The following VWDE variants were observed in gnomAD, a reference collection of about 807,000 sequenced individuals.
The protein encoded by VWDE is von Willebrand factor D and EGF domains, also known as von Willebrand factor D and EGF domain-containing protein.
VWDE carries 207 observed loss-of-function variants against 178.4 expected under a neutral mutation model. The observed-to-expected ratio is 1.16, with a 90% CI of 1.04 to 1.30. The LOEUF is 1.30. Among genes scored for constraint, VWDE ranks in the 50% most tolerant of loss-of-function variants. VWDE has a pLI of 0.00. For synonymous variants in VWDE, 738 were observed against 651.4 expected (o/e 1.13, Z -2.02); for missense variants, 2,287 against 1,901.3 (o/e 1.20, Z -3.77).
chr7:12,354,099 A>G (rs950735558), intron 18 of VWDE: 3 of 174,304 alleles, frequency 1.7e-5, no homozygotes, highest in African/African-American at 7.2e-5. Flanking sequence ...CCCTTTTGTG[A>G]TTTCTATCAA....
chr7:12,380,252 TTAA>T (rs1279653493), intron 5 of VWDE, among the ~76,000 whole-genome samples: 6 of 151,160 alleles, frequency 4.0e-5, no homozygotes, highest in African/African-American at 1.2e-4. Context: ...TAAAAAAGGA[TTAA>T]TAATAATCAG....
Position 12,337,100 on chromosome 7 carries a change from G to A in VWDE, c.4463-17C>T, listed in dbSNP as rs1039719188. The A allele has an allele frequency of 6.4e-6, 10 of 1,551,324 alleles. No homozygotes were observed. In the African/African-American group the frequency reaches 1.2e-4, roughly 19 times the overall value. The stretch of plus-strand genomic sequence containing the variant: ...CACAGATGCCTTAAGGTAAAAGCAT[G>A]AAAAGTCAGCCCTTAAATTCAACAG... On this transcript the variant is annotated splice_polypyrimidine_tract_variant and intron_variant, in intron 25 of 28. Transcript: ENST00000275358.
chr7:12,394,260 CA>C (rs1341000240), intron 1 of VWDE, among the ~76,000 whole-genome samples: 3 of 152,104 alleles, frequency 2.0e-5, no homozygotes, highest in Non-Finnish European at 4.4e-5. Flanking sequence ...GCTAACTCAA[CA>C]GGTGTAAAGT....
At chr7:12,390,996 G>A (rs966733301) in intron 2 of VWDE, among the ~76,000 whole-genome samples, 1 of 151,922 alleles carries the variant, frequency 6.6e-6, no homozygotes, top group Non-Finnish European at 1.5e-5. Context: ...ATATGGTGAT[G>A]GTTTAAATAA....
intron 1 of VWDE, among the ~76,000 whole-genome samples, chr7:12,401,065 T>C (rs1784871006): frequency 1.3e-5 from 2 of 152,194 alleles, no homozygotes; most frequent in South Asian, 4.1e-4. Context: ...TTTCCTCAAC[T>C]TGATAAAGGA....
rs562841579 is a variant in VWDE, at chr7:12,336,975, G to T, written c.4558+13C>A. 1.4e-5 allele frequency: 22 copies of T among 1,545,082 alleles called. No homozygotes were observed. Among genetic ancestry groups the T allele is most frequent in the Non-Finnish European group, 1.9e-5 (22 of 1,143,444 alleles). On this transcript the variant is annotated intron_variant, in intron 26 of 28. Transcript: ENST00000275358. Reference sequence around the variant, plus strand: ...GGACGAAAGCTTCAGTGTTTTAAGAGTATTCCTCTTACGTGTGTTGCATCG... The same window carrying T: ...GGACGAAAGCTTCAGTGTTTTAAGATTATTCCTCTTACGTGTGTTGCATCG...
Position 12,370,023 on chromosome 7 carries a change from CA to C in VWDE, c.2282del (p.Leu761CysfsTer47), listed in dbSNP as rs1437695055. 1.3e-6 allele frequency: 2 copies of C among 1,551,368 alleles called. No individual in the cohort carries two copies. Among genetic ancestry groups the C allele is most frequent in the African/African-American group, 2.7e-5 (2 of 72,982 alleles). Reference protein sequence around the residue: ...KRQNFHEFPPLFAFPSLSQTD... With the variant: ...KRQNFHEFPPXFAFPSLSQTD... ...TTTGGCTGAGACTCGGGAAAGCAAA[CA>C]AAGGAGGAAACTCATGAAAGTTCTG... On this transcript the variant is annotated frameshift_variant, in exon 12 of 29. Transcript: ENST00000275358. LOFTEE classifies it high-confidence loss of function.
At chr7:12,370,603 C>G in intron 11 of VWDE, 53 bp downstream of exon 11, 2 of 1,536,062 alleles carry the variant, frequency 1.3e-6, no homozygotes, top group East Asian at 4.9e-5. Flanking sequence ...TGAGCCACCA[C>G]CCGTTTTAAG....
rs527276637 is a variant in VWDE at position 12,340,723 on chromosome 7, G to C, written c.4271-306C>G. ...GCTCCTGCTCTATCAAGAATGTAGA[G>C]GCTATGATTAGAATTCAGAATGCCT... On this transcript the variant is annotated intron_variant, in intron 23 of 28. Coordinates refer to ENST00000275358, the MANE Select transcript of VWDE (RefSeq NM_001135924.3). Among the ~76,000 whole-genome samples the C allele has an allele frequency of 4.9e-4, 74 of 152,274 alleles. 2 individuals carry two copies. The South Asian group carries it at 0.015, about 32-fold the overall frequency.
intron 2 of VWDE, among the ~76,000 whole-genome samples, chr7:12,391,112 G>A (rs1250203752): frequency 6.6e-6 from 1 of 152,088 alleles, no homozygotes; most frequent in Non-Finnish European, 1.5e-5. Flanking sequence ...AGAATAGCAT[G>A]TTTTTCAATT....
At chr7:12,361,583 A>G in intron 13 of VWDE, 62 bp from the exon 14 acceptor site, 13 of 1,398,948 alleles carry the variant, frequency 9.3e-6, no homozygotes, top group Non-Finnish European at 1.0e-5. Flanking sequence ...TTGTTAGTAA[A>G]TTACATATAA....
In VWDE at chr7:12,344,245, G is replaced by A; in HGVS notation, c.4028C>T (p.Pro1343Leu). The A allele has an allele frequency of 6.4e-7, 1 of 1,551,138 alleles. No homozygotes were observed. The highest frequency in any genetic ancestry group is 8.7e-7 in the Non-Finnish European group (1 of 1,146,648). ...TCCTGGAAGACACTGACAAATGTTA[G>A]GCTTAATACATTTTCCATGGTTTTT... is the stretch of plus-strand genomic sequence containing the variant. Reference protein sequence around the residue: ...DCKNHGKCIKPNICQCLPGHG... With the variant: ...DCKNHGKCIKLNICQCLPGHG... The change falls in exon 21 of 29, where the codon CCT (proline) becomes CTT (leucine). Residue 1343 changes from proline (P) to leucine (L), a missense_variant. By Grantham distance (98) the Pro-to-Leu change is moderately conservative. Coordinates refer to ENST00000275358, the MANE Select transcript of VWDE (RefSeq NM_001135924.3).
At chr7:12,339,858 T>C (rs1418700897) in intron 24 of VWDE, among the ~76,000 whole-genome samples, 1 of 152,100 alleles carries the variant, frequency 6.6e-6, no homozygotes, top group Non-Finnish European at 1.5e-5. Context: ...AGAAAAACAA[T>C]GCATTTTTAT....
At position 12,338,721 on chromosome 7, in the gene VWDE, G is replaced by A. The variant is rs555878910; in HGVS notation, c.4367-1449C>T. Among the ~76,000 whole-genome samples the A allele has an allele frequency of 1.1e-4, 16 of 152,222 alleles. No homozygotes were observed. In the South Asian group the frequency reaches 1.7e-3, roughly 16 times the overall value. On this transcript the variant is annotated intron_variant, in intron 24 of 28. Transcript: ENST00000275358. Reference sequence around the variant, plus strand: ...CCTCATTCTGTCACCAAATCCTGAAGTGGGCTAAGTAATTGGATTCACTCT... The same window carrying A: ...CCTCATTCTGTCACCAAATCCTGAAATGGGCTAAGTAATTGGATTCACTCT...
At chr7:12,399,448 C>T (rs189922419) in intron 1 of VWDE, among the ~76,000 whole-genome samples, 38 of 152,114 alleles carry the variant, frequency 2.5e-4, no homozygotes, top group Middle Eastern at 3.4e-3. Context: ...GCAGCAGAAA[C>T]GCAGGGAAAA....
chr7:12,356,354 T>C (rs1389427810), intron 17 of VWDE, 24 bp from the exon 18 acceptor site: 5 of 1,532,842 alleles, frequency 3.3e-6, no homozygotes, highest in Admixed American at 4.0e-5. Context: ...AAAAAGGAAA[T>C]GTCTTATTTT....
At chr7:12,396,096 A>G (rs530212429) in intron 1 of VWDE, among the ~76,000 whole-genome samples, 1 of 152,328 alleles carries the variant, frequency 6.6e-6, no homozygotes, top group South Asian at 2.1e-4. Context: ...CTTGAATTTC[A>G]TATACTTTGG....
intron 3 of VWDE, 191 bp downstream of exon 3, chr7:12,388,936 T>G: frequency 1.4e-6 from 1 of 711,368 alleles, no homozygotes. Context: ...GTGGGGGGAC[T>G]TTACAATCTT....
chr7:12,334,654 G>C (rs1243004325), intron 27 of VWDE, among the ~76,000 whole-genome samples: 1 of 152,174 alleles, frequency 6.6e-6, no homozygotes, highest in East Asian at 1.9e-4. Context: ...TTGAAATAAA[G>C]AATTTGAAGT....
Sources: allele counts gnomAD v4.1 joint callset (sites outside exome capture counted in the v4.1 genomes callset), GRCh38; gene constraint gnomAD v4.1.1; transcripts MANE v1.5; gene names NCBI Gene and HGNC (gene_info 2026-07-23, HGNC 2026-07-21).